The following SPAM1 variants were observed in gnomAD, a reference collection of about 807,000 sequenced individuals.
The protein encoded by SPAM1 is hyaluronidase PH-20.
In SPAM1, 22 loss-of-function variants were observed where a neutral mutation model predicts 29.6. The ratio of observed to expected loss-of-function variants is 0.74; its 90% CI spans 0.53 to 1.06. The LOEUF (loss-of-function observed/expected upper bound fraction) is 1.06. SPAM1 is among the 50% of genes least tolerant of loss of function. The probability of loss-of-function intolerance (pLI) is 0.00; values close to 1 mark genes in which losing one functional copy is unlikely to be tolerated. For missense variants in SPAM1, 534 were observed against 604.0 expected (o/e 0.88, Z 1.21); for synonymous variants, 194 against 204.6 (o/e 0.95, Z 0.44).
In SPAM1 at chr7:123,969,441, A is replaced by G. The variant is rs148756188; in HGVS notation, c.1486-757A>G. 5.0e-3 allele frequency among the ~76,000 whole-genome samples: 758 copies of G among 152,068 alleles called. 3 individuals carry two copies. The highest frequency in any genetic ancestry group is 0.014 in the Middle Eastern group (4 of 294). On this transcript the variant is annotated intron_variant, in intron 5 of 6. Coordinates refer to the SPAM1 transcript ENST00000340011. Reference sequence around the variant, plus strand: ...TTGGGGTCTTATGTTTGAGTCTTTAATATATCTTGAGTTGATTTTTGTATA... The same window carrying G: ...TTGGGGTCTTATGTTTGAGTCTTTAGTATATCTTGAGTTGATTTTTGTATA...
intron 1 of SPAM1, among the ~76,000 whole-genome samples, chr7:123,948,062 T>G (rs1021318619): frequency 6.6e-6 from 1 of 152,114 alleles, no homozygotes; most frequent in African/African-American, 2.4e-5. Context: ...TTAACTTATC[T>G]TGTTGAATCA....
At chr7:123,927,814 G>A (rs1210771745) in intron 1 of SPAM1, among the ~76,000 whole-genome samples, 5 of 152,058 alleles carry the variant, frequency 3.3e-5, no homozygotes, top group Non-Finnish European at 7.4e-5. Context: ...TGAAGGGAAC[G>A]CATAATATCT....
chr7:123,927,275 T>TC (rs1807916870), intron 1 of SPAM1, among the ~76,000 whole-genome samples: 1 of 152,158 alleles, frequency 6.6e-6, no homozygotes, highest in Admixed American at 6.5e-5. Flanking sequence ...ACAATCCTAT[T>TC]CTTTTCATGG....
chr7:123,926,470 A>C (rs1350421176), intron 1 of SPAM1, among the ~76,000 whole-genome samples: 2 of 152,196 alleles, frequency 1.3e-5, no homozygotes, highest in Non-Finnish European at 2.9e-5. Flanking sequence ...TATAGGACAT[A>C]CCTGTTGATG....
chr7:123,955,518 T>C (rs1242779538), intron 4 of SPAM1, among the ~76,000 whole-genome samples: 1 of 151,994 alleles, frequency 6.6e-6, no homozygotes, highest in African/African-American at 2.4e-5. Flanking sequence ...CTGAATTTTT[T>C]CTTCTCTGGT....
At chr7:123,955,655 G>A (rs1401362357) in intron 4 of SPAM1, among the ~76,000 whole-genome samples, 2 of 151,922 alleles carry the variant, frequency 1.3e-5, no homozygotes, top group African/African-American at 2.4e-5. Context: ...CCTTTGAGAA[G>A]CATTATATTC....
Position 123,954,159 on chromosome 7 carries a change from A to G in SPAM1, c.589A>G (p.Lys197Glu). Residue 197 changes from lysine (K) to glutamate (E), a missense_variant, in exon 3 of 5, where the codon AAG (lysine) becomes GAG (glutamate). By Grantham distance (56) the Lys-to-Glu change is moderately conservative. Coordinates refer to ENST00000682466, the MANE Select transcript of SPAM1 (RefSeq NM_153189.3). ...KAKQEFEKAG[K>E]DFLVETIKLG... ...AAAACAAGAATTTGAAAAGGCAGGG[A>G]AGGATTTCCTGGTAGAGACTATAAA... 6.2e-7 allele frequency: 1 copy of G among 1,613,316 alleles called. No individual in the cohort carries two copies. Among genetic ancestry groups the G allele is most frequent in the Non-Finnish European group, 8.5e-7 (1 of 1,179,654 alleles).
In SPAM1 at chr7:123,944,527, C is replaced by T. The variant is rs190184241; in HGVS notation, c.-318-5345C>T. On this transcript the variant is annotated intron_variant, in intron 1 of 4. Transcript: ENST00000682466. ...GTTACCAAAAGGCAAAAGAAAAGAA[C>T]TTCTGCAATGTGACTGCTGCTCCCT... Among the ~76,000 whole-genome samples the T allele has an allele frequency of 6.8e-4, 104 of 152,238 alleles. No homozygotes were observed. The East Asian group carries it at 0.014, about 21-fold the overall frequency.
chr7:123,951,656 C>A (rs1251752357), intron 2 of SPAM1, among the ~76,000 whole-genome samples: 5 of 152,114 alleles, frequency 3.3e-5, no homozygotes, highest in Admixed American at 3.3e-4. Flanking sequence ...GAGTCTCATT[C>A]TGTCACCAAG....
chr7:123,938,301 G>A (rs1808320557), intron 1 of SPAM1, among the ~76,000 whole-genome samples: 1 of 152,008 alleles, frequency 6.6e-6, no homozygotes, highest in Non-Finnish European at 1.5e-5. Context: ...TAGACTTCAA[G>A]ACATAGCTTT....
At chr7:123,937,262 G>T (rs1476644456) in intron 1 of SPAM1, among the ~76,000 whole-genome samples, 1 of 152,088 alleles carries the variant, frequency 6.6e-6, no homozygotes, top group Non-Finnish European at 1.5e-5. Flanking sequence ...AATGTTGGTA[G>T]TCCAGGGGAA....
At chr7:123,946,838 C>T (rs540914161) in intron 1 of SPAM1, among the ~76,000 whole-genome samples, 3 of 152,192 alleles carry the variant, frequency 2.0e-5, no homozygotes, top group East Asian at 3.9e-4. Context: ...TCAGGTGAGC[C>T]TCAGTGGGAT....
intron 4 of SPAM1, among the ~76,000 whole-genome samples, chr7:123,957,299 A>G (rs1362847022): frequency 3.9e-5 from 6 of 152,116 alleles, no homozygotes; most frequent in Admixed American, 3.9e-4. Context: ...TCAGAATGAC[A>G]AGATGAAGTC....
At chr7:123,933,661 T>C (rs1808159184) in intron 1 of SPAM1, among the ~76,000 whole-genome samples, 1 of 152,188 alleles carries the variant, frequency 6.6e-6, no homozygotes, top group African/African-American at 2.4e-5. Flanking sequence ...AGAAAGGGTT[T>C]GCAAACTATT....
At chr7:123,960,735 G>A (rs1186560889), downstream of SPAM1, among the ~76,000 whole-genome samples, 2 of 151,670 alleles carry the variant, frequency 1.3e-5, no homozygotes, top group Non-Finnish European at 2.9e-5. Flanking sequence ...CATTCGGCTA[G>A]GTACTCTCAA....
intron 1 of SPAM1, among the ~76,000 whole-genome samples, chr7:123,928,238 CTG>C (rs1194372880): frequency 6.6e-6 from 1 of 152,116 alleles, no homozygotes; most frequent in Non-Finnish European, 1.5e-5. Context: ...CGCCCATTGA[CTG>C]TGCACTCAGT....
intron 4 of SPAM1, among the ~76,000 whole-genome samples, chr7:123,957,260 G>A (rs1303047581): frequency 6.6e-6 from 1 of 151,990 alleles, no homozygotes; most frequent in East Asian, 1.9e-4. Context: ...AGTTATCAGA[G>A]AAGGGCATTG....
intron 1 of SPAM1, among the ~76,000 whole-genome samples, chr7:123,948,600 G>C (rs1808663245): frequency 6.6e-6 from 1 of 152,086 alleles, no homozygotes; most frequent in Non-Finnish European, 1.5e-5. Flanking sequence ...GAATGACTTA[G>C]ATTTGGGACT....
intron 1 of SPAM1, among the ~76,000 whole-genome samples, chr7:123,948,398 T>C (rs555455232): frequency 6.6e-6 from 1 of 152,282 alleles, no homozygotes; most frequent in Admixed American, 6.5e-5. Context: ...CTACCGCTCA[T>C]GTGGAAATTT....
Sources: gnomAD v4.1 joint callset for allele counts (sites outside exome capture counted in the v4.1 genomes callset) on GRCh38, gnomAD v4.1.1 for gene constraint, MANE v1.5 for transcripts, NCBI Gene and HGNC (gene_info 2026-07-23, HGNC 2026-07-21) for gene names.